Variants in ENG observed in about 807,000 individuals in gnomAD.
The protein encoded by ENG is endoglin, also known as CD105 antigen.
A neutral mutation model predicts 71.0 loss-of-function variants in ENG; 17 were observed. That is an observed-to-expected ratio of 0.24 (90% confidence interval 0.16 to 0.36). ENG has a LOEUF of 0.36. ENG is among the 10% of genes least tolerant of loss of function. ENG has a pLI of 1.00. For missense variants in ENG, 749 were observed against 868.3 expected (o/e 0.86, Z 1.73); for synonymous variants, 360 against 366.9 (o/e 0.98, Z 0.21).
intron 2 of ENG, among the ~76,000 whole-genome samples, chr9:127,830,570 C>T (rs1316193069): frequency 1.3e-5 from 2 of 151,672 alleles, no homozygotes; most frequent in Admixed American, 1.3e-4. Flanking sequence ...TCTCTTGAAC[C>T]CAGGAGGTAG....
At chr9:127,826,319 C>T (rs1230827622) in intron 4 of ENG, among the ~76,000 whole-genome samples, 191 bp downstream of exon 4, 6 of 152,206 alleles carry the variant, frequency 3.9e-5, no homozygotes, top group African/African-American at 1.4e-4. Context: ...GCATATTCCA[C>T]ATGCTTCAAT....
At chr9:127,824,748 C>T in intron 7 of ENG, 52 bp downstream of exon 7, 1 of 1,470,664 alleles carries the variant, frequency 6.8e-7, no homozygotes, top group Non-Finnish European at 9.0e-7. Flanking sequence ...ACAGTGTGGC[C>T]ACTGATCCAA....
chr9:127,828,606 C>T (rs1018539198), intron 3 of ENG, among the ~76,000 whole-genome samples: 1 of 152,168 alleles, frequency 6.6e-6, no homozygotes, highest in African/African-American at 2.4e-5. Context: ...AGGCCACGCC[C>T]CCTCTGGGAC....
intron 1 of ENG, among the ~76,000 whole-genome samples, chr9:127,843,569 G>A (rs1364882773): frequency 1.3e-5 from 2 of 150,724 alleles, no homozygotes; most frequent in East Asian, 1.9e-4. Flanking sequence ...TGCATGGAAC[G>A]TACTTATACT....
chr9:127,830,208 G>A (rs899702801), intron 2 of ENG, among the ~76,000 whole-genome samples: 2 of 151,560 alleles, frequency 1.3e-5, no homozygotes, highest in African/African-American at 4.9e-5. Flanking sequence ...CAGGCGTGGT[G>A]GTGGGTGCCT....
At position 127,854,454 on chromosome 9, in the gene ENG, GA is replaced by G; in HGVS notation, c.-100del. 1 of 1,347,024 alleles carries G rather than the reference GA, an allele frequency of 7.4e-7. No individual in the cohort carries two copies. Among genetic ancestry groups the G allele is most frequent in the Non-Finnish European group, 1.0e-6 (1 of 987,548 alleles). 83.4% of individuals were successfully genotyped at this position (1,347,024 alleles called of 1,614,324 possible). A position where few individuals can be genotyped will look rare whatever the true frequency, so the allele number is the denominator to read the frequency against. On this transcript the variant is annotated 5_prime_UTR_variant, in exon 1 of 15. Coordinates refer to ENST00000373203, the MANE Select transcript of ENG (RefSeq NM_001114753.3). ...CCGGCGTGGGCTCGCACGGGGACCC[GA>G]GGGGAGCAGGCGGCCGGAGCGACGG...
chr9:127,829,591 G>A, intron 3 of ENG, 96 bp downstream of exon 3: 1 of 1,515,544 alleles, frequency 6.6e-7, no homozygotes. Flanking sequence ...AAGCAGGGCT[G>A]GGCCGCTGGG....
intron 12 of ENG, 176 bp downstream of exon 12, chr9:127,817,944 A>G: frequency 4.3e-6 from 4 of 931,774 alleles, no homozygotes; most frequent in Non-Finnish European, 6.4e-6. Context: ...CCCACCAGAA[A>G]GCTCTCGGGT....
rs1408572044 is a variant in ENG at position 127,817,003 on chromosome 9, CCCT to C, written c.1741+143_1741+145del. Reference sequence around the variant, plus strand: ...TCTAGGCTGCTATGGCTCTGGGAAGCCCTCCTCCTGCCCCTTCTGGGCCGCTTT... The same window carrying C: ...TCTAGGCTGCTATGGCTCTGGGAAGCCCTCCTGCCCCTTCTGGGCCGCTTT... On this transcript the variant is annotated intron_variant, in intron 13 of 14. Coordinates refer to ENST00000373203, the MANE Select transcript of ENG (RefSeq NM_001114753.3). The C allele has an allele frequency of 5.6e-6, 5 of 891,060 alleles. No homozygotes were observed. In the African/African-American group the frequency reaches 6.6e-5, roughly 12 times the overall value. The allele number at this position is 891,060 out of a possible 1,614,324, so 55.2% of individuals were successfully genotyped here. A position where few individuals can be genotyped will look rare whatever the true frequency, so the allele number is the denominator to read the frequency against.
intron 2 of ENG, among the ~76,000 whole-genome samples, chr9:127,833,632 C>G (rs538419112): frequency 6.0e-4 from 91 of 151,972 alleles, no homozygotes; most frequent in African/African-American, 1.9e-3. Flanking sequence ...TCCCAGTGCT[C>G]TCATACAAAA....
chr9:127,825,874 C>T lies in ENG; in HGVS notation c.524-14G>A, dbSNP rs371420421. Reference sequence around the variant, plus strand: ...GTGACCCCTGGGCTGCAGAGACACGCGCACCTCAGTCCCTTCCCTCAGCAG... The same window carrying T: ...GTGACCCCTGGGCTGCAGAGACACGTGCACCTCAGTCCCTTCCCTCAGCAG... On this transcript the variant is annotated splice_polypyrimidine_tract_variant and intron_variant, in intron 4 of 14. Transcript: ENST00000373203. 24 of 1,578,102 alleles carry T rather than the reference C, an allele frequency of 1.5e-5. No individual in the cohort carries two copies. The Middle Eastern group carries it at 8.4e-4, about 55-fold the overall frequency.
Position 127,840,525 on chromosome 9 carries a change from A to G in ENG, c.219+2569T>C, listed in dbSNP as rs577807488. Among the ~76,000 whole-genome samples the G allele has an allele frequency of 5.3e-5, 8 of 152,300 alleles. No homozygotes were observed. The East Asian group carries it at 5.8e-4, about 11-fold the overall frequency. Reference sequence around the variant, plus strand: ...AAAAAACAAACAAACAAAAACAACAAAAAACAAACAAACAGAGTGATTTGG... The same window carrying G: ...AAAAAACAAACAAACAAAAACAACAGAAAACAAACAAACAGAGTGATTTGG... On this transcript the variant is annotated intron_variant, in intron 2 of 14. Transcript: ENST00000373203.
Position 127,829,828 on chromosome 9 carries a change from C to CT in ENG, c.220-2dup, listed in dbSNP as rs1268522945. On this transcript the variant is annotated splice_acceptor_variant, in intron 2 of 14. Coordinates refer to ENST00000373203, the MANE Select transcript of ENG (RefSeq NM_001114753.3). LOFTEE classifies it high-confidence loss of function. ...GAGTCAGCTCCAGCTGTGACGGGCC[C>CT]TGGGGGACACAGAGGAGAGACACAC... 6.2e-7 allele frequency: 1 copy of CT among 1,613,798 alleles called. No homozygotes were observed. Among genetic ancestry groups the CT allele is most frequent in the Non-Finnish European group, 8.5e-7 (1 of 1,180,008 alleles).
chr9:127,823,703 A>AT (rs1830529933), intron 8 of ENG, among the ~76,000 whole-genome samples: 1 of 94,858 alleles, frequency 1.1e-5, no homozygotes, highest in Non-Finnish European at 2.0e-5. Context: ...TTTTTCTGAG[A>AT]CAGAGTCTCA....
At chr9:127,845,166 C>T (rs1350580925) in intron 1 of ENG, among the ~76,000 whole-genome samples, 6 of 152,224 alleles carry the variant, frequency 3.9e-5, no homozygotes, top group African/African-American at 1.4e-4. Flanking sequence ...TCTTGGAGAT[C>T]AAAGATGGGC....
intron 8 of ENG, chr9:127,821,267 C>A (rs1405291910): frequency 6.6e-6 from 1 of 151,424 alleles, no homozygotes; most frequent in Non-Finnish European, 1.5e-5. Context: ...CCCGACTCTA[C>A]TAAAATTATA....
chr9:127,854,219 C>A, intron 1 of ENG, 70 bp downstream of exon 1: 2 of 1,490,602 alleles, frequency 1.3e-6, no homozygotes, highest in South Asian at 1.2e-5. Context: ...GGAAGGAGGC[C>A]GGGAATACTT....
At chr9:127,829,504 C>G (rs957456997) in intron 3 of ENG, among the ~76,000 whole-genome samples, 183 bp downstream of exon 3, 7 of 152,116 alleles carry the variant, frequency 4.6e-5, no homozygotes, top group Non-Finnish European at 8.8e-5. Context: ...GTCCTGGTGC[C>G]CTCTGGGTTC....
chr9:127,815,531 G>T lies in ENG; in HGVS notation c.*151C>A. The T allele has an allele frequency of 7.2e-7, 1 of 1,391,508 alleles. No homozygotes were observed. 86.2% of individuals were successfully genotyped at this position (1,391,508 alleles called of 1,614,324 possible). ...CAAGCCAGTGGCTGCACTGGCAGCA[G>T]GCCTCTGAGAGGGAGGCGGGAAGGG... On this transcript the variant is annotated 3_prime_UTR_variant, in exon 15 of 15. Coordinates refer to ENST00000373203, the MANE Select transcript of ENG (RefSeq NM_001114753.3).
Sources: gnomAD v4.1 joint callset for allele counts (sites outside exome capture counted in the v4.1 genomes callset) on GRCh38, gnomAD v4.1.1 for gene constraint, MANE v1.5 for transcripts, NCBI Gene and HGNC (gene_info 2026-07-23, HGNC 2026-07-21) for gene names.